The following BTBD9 variants were observed in gnomAD, a reference collection of about 807,000 sequenced individuals.
BTBD9 encodes the protein BTB domain containing 9, also known as BTB/POZ domain-containing protein 9.
Under a neutral mutation model 64.3 loss-of-function variants are expected in BTBD9, and 49 were observed. The ratio of observed to expected loss-of-function variants is 0.76; its 90% CI spans 0.61 to 0.97. BTBD9 has a LOEUF of 0.97. BTBD9 is among the 50% of genes least tolerant of loss of function. The pLI is 0.00. For missense variants in BTBD9, 598 were observed against 762.1 expected (o/e 0.78, Z 2.53); for synonymous variants, 260 against 274.7 (o/e 0.95, Z 0.53).
chr6:38,564,929 T>A (rs1487826372), intron 6 of BTBD9, among the ~76,000 whole-genome samples: 2 of 151,942 alleles, frequency 1.3e-5, no homozygotes, highest in African/African-American at 4.8e-5. Context: ...AAGATCTCAC[T>A]ATATAAAAAC....
At chr6:38,471,025 C>G (rs1770625842) in intron 6 of BTBD9, among the ~76,000 whole-genome samples, 1 of 152,170 alleles carries the variant, frequency 6.6e-6, no homozygotes, top group Non-Finnish European at 1.5e-5. Flanking sequence ...ATCTCCATCG[C>G]AAGATGATGA....
intron 9 of BTBD9, among the ~76,000 whole-genome samples, chr6:38,212,253 T>C (rs1294017692): frequency 1.3e-5 from 2 of 152,150 alleles, no homozygotes; most frequent in Non-Finnish European, 2.9e-5. Flanking sequence ...CGATGGCTGC[T>C]GGGTAGAGTG....
At chr6:38,255,233 G>A (rs1764535000) in intron 9 of BTBD9, among the ~76,000 whole-genome samples, 1 of 152,186 alleles carries the variant, frequency 6.6e-6, no homozygotes, top group East Asian at 1.9e-4. Flanking sequence ...AAGACAGAAA[G>A]TAGATTATTG....
At chr6:38,463,759 T>C (rs1043562523) in intron 6 of BTBD9, among the ~76,000 whole-genome samples, 11 of 152,090 alleles carry the variant, frequency 7.2e-5, no homozygotes, top group African/African-American at 2.2e-4. Context: ...AGAATGGGCA[T>C]GGTGGCTCAC....
At chr6:38,560,026 G>A (rs1466070605) in intron 6 of BTBD9, among the ~76,000 whole-genome samples, 1 of 152,040 alleles carries the variant, frequency 6.6e-6, no homozygotes, top group Non-Finnish European at 1.5e-5. Context: ...CCTTGATAAA[G>A]AATTTATGAC....
chr6:38,562,612 T>C (rs1480725516), intron 6 of BTBD9, among the ~76,000 whole-genome samples: 1 of 152,174 alleles, frequency 6.6e-6, no homozygotes, highest in Non-Finnish European at 1.5e-5. Context: ...CAAATAAACA[T>C]TTATATACAT....
At chr6:38,247,506 T>C (rs1420569019) in intron 9 of BTBD9, among the ~76,000 whole-genome samples, 1 of 152,222 alleles carries the variant, frequency 6.6e-6, no homozygotes, top group Non-Finnish European at 1.5e-5. Context: ...GTCAAGGTGC[T>C]TCTCAGGGAA....
At chr6:38,532,916 C>T (rs1452115701) in intron 6 of BTBD9, among the ~76,000 whole-genome samples, 1 of 151,676 alleles carries the variant, frequency 6.6e-6, no homozygotes, top group Admixed American at 6.6e-5. Context: ...ACTTAAGTAC[C>T]ACCTTGGCCA....
intron 6 of BTBD9, among the ~76,000 whole-genome samples, chr6:38,523,677 A>C (rs1266409108): frequency 6.6e-6 from 1 of 152,216 alleles, no homozygotes; most frequent in Admixed American, 6.5e-5. Flanking sequence ...ACAACATTTT[A>C]GCCTACAGTA....
chr6:38,349,737 T>G (rs1029684428), intron 6 of BTBD9, among the ~76,000 whole-genome samples: 5 of 152,020 alleles, frequency 3.3e-5, no homozygotes, highest in Non-Finnish European at 7.4e-5. Flanking sequence ...TGACTTTAGA[T>G]GTTAAAATGG....
At chr6:38,336,691 T>C (rs1217955601) in intron 7 of BTBD9, among the ~76,000 whole-genome samples, 1 of 152,158 alleles carries the variant, frequency 6.6e-6, no homozygotes, top group East Asian at 1.9e-4. Flanking sequence ...TGACCCAATT[T>C]ATACCCTCCA....
rs112367853 is a variant in BTBD9 at position 38,456,908 on chromosome 6, T to A, written c.1155-111815A>T. On this transcript the variant is annotated intron_variant, in intron 6 of 10. Transcript: ENST00000481247. ...TTTCACTAAATTATCTGGCCTAGCA[T>A]TATAAAAAGCACTTTGAAGGAAATA... Among the ~76,000 whole-genome samples, 798 of 152,260 alleles carry A rather than the reference T, an allele frequency of 5.2e-3. 4 individuals are homozygous for A. The highest frequency in any genetic ancestry group is 0.018 in the African/African-American group (742 of 41,522).
At chr6:38,501,661 A>G (rs1772207822) in intron 6 of BTBD9, among the ~76,000 whole-genome samples, 1 of 152,160 alleles carries the variant, frequency 6.6e-6, no homozygotes, top group African/African-American at 2.4e-5. Context: ...GGTCTGTGAG[A>G]TCAAAACTTC....
Position 38,627,737 on chromosome 6 carries a change from A to AT in BTBD9, c.-28+12062dup, listed in dbSNP as rs375738195. ...TTATAAATTACCTCCTTAAAAAGTG[A>AT]TTTTTTTTTAACAAATGAGTCGCTC... On this transcript the variant is annotated intron_variant, in intron 1 of 10. Transcript: ENST00000481247. Among the ~76,000 whole-genome samples, 93 of 151,600 alleles carry AT rather than the reference A, an allele frequency of 6.1e-4. 1 individual carries two copies. The highest frequency in any genetic ancestry group is 1.3e-3 in the African/African-American group (54 of 41,300).
At chr6:38,310,776 C>T (rs148537172) in intron 7 of BTBD9, among the ~76,000 whole-genome samples, 2 of 151,234 alleles carry the variant, frequency 1.3e-5, no homozygotes, top group African/African-American at 4.9e-5. Flanking sequence ...ACAAACAATC[C>T]AATTATACCC....
At chr6:38,513,224 G>A (rs1772853595) in intron 6 of BTBD9, among the ~76,000 whole-genome samples, 2 of 152,104 alleles carry the variant, frequency 1.3e-5, no homozygotes, top group Admixed American at 6.6e-5. Flanking sequence ...GGGAGGCCGA[G>A]GGGAGTGGAT....
At chr6:38,505,964 C>CAACAACAAAAAAAAAAAA (rs1175511241) in intron 6 of BTBD9, among the ~76,000 whole-genome samples, 1 of 82,628 alleles carries the variant, frequency 1.2e-5, no homozygotes, top group African/African-American at 4.1e-5. Flanking sequence ...TCCGTCTCAA[C>CAACAACAAAAAAAAAAAA]AAAAAAAAAA....
chr6:38,559,372 G>A (rs1775169701), intron 6 of BTBD9, among the ~76,000 whole-genome samples: 1 of 152,020 alleles, frequency 6.6e-6, no homozygotes, highest in African/African-American at 2.4e-5. Context: ...TCTAAATAAG[G>A]AGGTGAAAGA....
intron 8 of BTBD9, among the ~76,000 whole-genome samples, chr6:38,262,177 A>G (rs1461675738): frequency 6.6e-6 from 1 of 152,206 alleles, no homozygotes; most frequent in East Asian, 1.9e-4. Flanking sequence ...GAATGTTTGC[A>G]TGGTGAGCTC....
Sources: allele counts gnomAD v4.1 joint callset (sites outside exome capture counted in the v4.1 genomes callset), GRCh38; gene constraint gnomAD v4.1.1; transcripts MANE v1.5; gene names NCBI Gene and HGNC (gene_info 2026-07-23, HGNC 2026-07-21).